CELF2: variants seen among roughly 807,000 people sequenced by gnomAD.
CELF2 encodes CUGBP Elav-like family member 2.
CELF2 carries 8 observed loss-of-function variants against 62.6 expected under a neutral mutation model. That is an observed-to-expected ratio of 0.13 (90% CI 0.07 to 0.23). CELF2 has a LOEUF of 0.23. Ranked by LOEUF, CELF2 falls within the 10% of genes least tolerant of loss-of-function variation. CELF2 has a pLI of 1.00. For synonymous variants in CELF2, 258 were observed against 250.0 expected (o/e 1.03, Z -0.30); for missense variants, 333 against 671.0 (o/e 0.50, Z 5.56).
chr10:11,017,411 G>T (rs2057396966), upstream of CELF2, among the ~76,000 whole-genome samples: 1 of 152,206 alleles, frequency 6.6e-6, no homozygotes, highest in South Asian at 2.1e-4. The surrounding 1 kb of genome is among the most constrained non-coding windows in gnomAD (Gnocchi z 5.5). Flanking sequence ...AGGGCACTGC[G>T]ATAAGTCCCT....
the CELF2 span, among the ~76,000 whole-genome samples, chr10:10,607,819 G>A: frequency 1.4e-3 from 208 of 152,308 alleles, 1 homozygote; most frequent in African/African-American, 4.7e-3. Context: ...GGCTGGGCAT[G>A]GTGGCTCAGG....
At chr10:10,727,547 C>A in the CELF2 span, among the ~76,000 whole-genome samples, 4 of 151,936 alleles carry the variant, frequency 2.6e-5, no homozygotes, top group African/African-American at 9.7e-5. Flanking sequence ...GAGGCCGAGG[C>A]GGGTGGATCA....
intron 1 of CELF2, among the ~76,000 whole-genome samples, chr10:11,057,596 A>G (rs2065601628): frequency 6.6e-6 from 1 of 152,178 alleles, no homozygotes; most frequent in South Asian, 2.1e-4. Context: ...GCCTTTATGG[A>G]TACAAACACT....
At chr10:11,068,860 T>G (rs943473257) in intron 1 of CELF2, among the ~76,000 whole-genome samples, 7 of 152,200 alleles carry the variant, frequency 4.6e-5, no homozygotes, top group African/African-American at 1.7e-4. Context: ...GCACCCGGCC[T>G]CATTATTTCT....
At chr10:10,916,949 A>G (rs1002101474) in intron 1 of CELF2, among the ~76,000 whole-genome samples, 1 of 148,972 alleles carries the variant, frequency 6.7e-6, no homozygotes, top group Non-Finnish European at 1.5e-5. Context: ...TTTTTTTTTT[A>G]AGGAAAAAGA....
At position 11,148,670 on chromosome 10, in the gene CELF2, AG is replaced by A. The variant is rs2062716686; in HGVS notation, c.75-16815del. Among the ~76,000 whole-genome samples, 6 of 152,308 alleles carry A rather than the reference AG, an allele frequency of 3.9e-5. No individual in the cohort carries two copies. The South Asian group carries it at 1.2e-3, about 32-fold the overall frequency. ...TTTAGATTAAGGACCCATTTAGAGTAGTTTTAATAATGTATGCTTTCATACA... is the reference window on the plus strand; with the variant it reads ...TTTAGATTAAGGACCCATTTAGAGTATTTTAATAATGTATGCTTTCATACA... On this transcript the variant is annotated intron_variant, in intron 1 of 12. Coordinates refer to ENST00000633077, the MANE Select transcript of CELF2 (RefSeq NM_001326342.2).
intron 8 of CELF2, among the ~76,000 whole-genome samples, chr10:11,281,770 C>T (rs2088896859): frequency 6.6e-6 from 1 of 152,122 alleles, no homozygotes; most frequent in African/African-American, 2.4e-5. Flanking sequence ...TGTTAATTGC[C>T]AAATTGATTG....
At chr10:10,493,491 T>A in the CELF2 span, among the ~76,000 whole-genome samples, 3 of 149,516 alleles carry the variant, frequency 2.0e-5, no homozygotes, top group South Asian at 2.1e-4. Flanking sequence ...AAAGCCCAAA[T>A]TCTTTTTTTG....
rs148437244 is a variant in CELF2 at position 11,080,108 on chromosome 10, T to A, written c.74+61945T>A. 7.8e-4 allele frequency among the ~76,000 whole-genome samples: 119 copies of A among 152,376 alleles called. 2 individuals are homozygous for A. Among genetic ancestry groups the A allele is most frequent in the Non-Finnish European group, 1.5e-3 (101 of 68,030 alleles). On this transcript the variant is annotated intron_variant, in intron 1 of 12. Coordinates refer to ENST00000633077, the MANE Select transcript of CELF2 (RefSeq NM_001326342.2). ...ACTTGACAGATGCTAGTTCAAATGC[T>A]GATTTTGCTACTGAGGGTCACCTTG...
chr10:11,267,808 G>A lies in CELF2; in HGVS notation c.618+1131G>A, dbSNP rs1324290270. On this transcript the variant is annotated intron_variant, in intron 6 of 12. Transcript: ENST00000633077. The surrounding 1 kb of genome is among the most constrained non-coding windows in gnomAD (Gnocchi z 4.4). ...TAGTGAATCAAAAGGTGGGTGCAAA[G>A]GGGGGAAGGAGTGTGCATGGCATTG... Among the ~76,000 whole-genome samples, 1 of 152,154 alleles carries A rather than the reference G, an allele frequency of 6.6e-6. No individual in the cohort carries two copies. Among genetic ancestry groups the A allele is most frequent in the Non-Finnish European group, 1.5e-5 (1 of 68,028 alleles).
chr10:10,812,334 A>G (rs1209890930), intron 1 of CELF2, among the ~76,000 whole-genome samples: 2 of 152,140 alleles, frequency 1.3e-5, no homozygotes, highest in Non-Finnish European at 2.9e-5. Flanking sequence ...AACTGCCCCC[A>G]TGATTCAATT....
At chr10:10,857,945 T>C (rs2059841849) in intron 1 of CELF2, among the ~76,000 whole-genome samples, 1 of 151,740 alleles carries the variant, frequency 6.6e-6, no homozygotes, top group Non-Finnish European at 1.5e-5. Context: ...TTTTAGTCAC[T>C]AGATGGGCTT....
the CELF2 span, among the ~76,000 whole-genome samples, chr10:10,666,861 CAAAAAAA>C: frequency 3.6e-4 from 9 of 25,222 alleles, no homozygotes; most frequent in East Asian, 6.6e-3. Context: ...GACTCCGTCT[CAAAAAAA>C]AAAAAAAAAA....
chr10:10,867,772 C>T (rs2060478911), intron 1 of CELF2, among the ~76,000 whole-genome samples: 2 of 152,214 alleles, frequency 1.3e-5, no homozygotes, highest in African/African-American at 4.8e-5. Context: ...TAGCCGAGCA[C>T]AGATGGAAAA....
chr10:11,218,475 G>A (rs2063908049), intron 3 of CELF2, among the ~76,000 whole-genome samples: 1 of 152,036 alleles, frequency 6.6e-6, no homozygotes, highest in Non-Finnish European at 1.5e-5. Context: ...ACCACCACAG[G>A]CCCCCAGAAA....
At chr10:10,782,088 G>A in the CELF2 span, among the ~76,000 whole-genome samples, 10 of 152,282 alleles carry the variant, frequency 6.6e-5, no homozygotes, top group Admixed American at 2.0e-4. Flanking sequence ...TTTACGGAAG[G>A]AATTTCAGCA....
intron 1 of CELF2, among the ~76,000 whole-genome samples, chr10:11,029,154 A>G (rs1400869408): frequency 6.6e-6 from 1 of 152,154 alleles, no homozygotes; most frequent in Non-Finnish European, 1.5e-5. Context: ...TGACCTAGAC[A>G]AGGAATTGGT....
At chr10:10,621,680 C>T in the CELF2 span, among the ~76,000 whole-genome samples, 4 of 152,038 alleles carry the variant, frequency 2.6e-5, no homozygotes, top group Non-Finnish European at 4.4e-5. Flanking sequence ...GTTGGGAAAA[C>T]GAAGGAGCAG....
At chr10:10,801,955 C>T (rs892687682) in intron 1 of CELF2, among the ~76,000 whole-genome samples, 2 of 152,140 alleles carry the variant, frequency 1.3e-5, no homozygotes, top group South Asian at 2.1e-4. Context: ...CAGGGGTGGT[C>T]GTAGTGCTAC....
Sources: allele counts gnomAD v4.1 joint callset (sites outside exome capture counted in the v4.1 genomes callset), GRCh38; gene constraint gnomAD v4.1.1; non-coding constraint Gnocchi (gnomAD v3.1); transcripts MANE v1.5; gene names NCBI Gene and HGNC (gene_info 2026-07-23, HGNC 2026-07-21).